SMARCA2: variants seen among roughly 807,000 people sequenced by gnomAD.
SMARCA2 encodes SWI/SNF related BAF chromatin remodeling complex subunit ATPase 2.
A neutral mutation model predicts 199.8 loss-of-function variants in SMARCA2; 61 were observed. The observed-to-expected ratio is 0.31, with a 90% CI of 0.25 to 0.38. The LOEUF (loss-of-function observed/expected upper bound fraction) is 0.38, where lower values mean the gene tolerates loss of function less well. Among genes scored for constraint, SMARCA2 ranks in the 10% least tolerant of loss-of-function variants. The pLI is 1.00. For synonymous variants in SMARCA2, 935 were observed against 732.0 expected, an observed-to-expected ratio of 1.28 and a Z score of -4.48; for missense variants, 1,344 against 2,012.2, an observed-to-expected ratio of 0.67 and a Z score of 6.35.
In SMARCA2 at chr9:2,166,170, G is replaced by C. The variant is rs377255938; in HGVS notation, c.4200-4249G>C. On this transcript the variant is annotated intron_variant, in intron 28 of 33. Transcript: ENST00000349721. ...TCTACCTCAGGACATTGTCCTTCAG[G>C]TAGGAACACTTCACTTTGCTCTCTG... Among the ~76,000 whole-genome samples, 109 of 152,286 alleles carry C rather than the reference G, an allele frequency of 7.2e-4. No homozygotes were observed. The Middle Eastern group carries it at 0.02, about 29-fold the overall frequency.
intron 2 of SMARCA2, among the ~76,000 whole-genome samples, chr9:2,032,249 A>G (rs1819103143): frequency 1.3e-5 from 2 of 152,202 alleles, no homozygotes; most frequent in African/African-American, 4.8e-5. Flanking sequence ...TTCATTGCCC[A>G]ATTCTGGATT....
At chr9:2,190,983 G>A (rs1229255915) in intron 32 of SMARCA2, among the ~76,000 whole-genome samples, 1 of 152,120 alleles carries the variant, frequency 6.6e-6, no homozygotes, top group Non-Finnish European at 1.5e-5. Context: ...GTCAGCCATT[G>A]GGAGACAGGT....
chr9:2,030,817 T>C (rs1819031523), intron 2 of SMARCA2, among the ~76,000 whole-genome samples: 1 of 152,162 alleles, frequency 6.6e-6, no homozygotes, highest in Non-Finnish European at 1.5e-5. Context: ...AGAGCAAGTC[T>C]TTCCTCCAGT....
chr9:2,048,148 G>A (rs1052905029), intron 5 of SMARCA2, among the ~76,000 whole-genome samples: 2 of 152,094 alleles, frequency 1.3e-5, no homozygotes, highest in African/African-American at 4.8e-5. Context: ...GCTGCCTTTC[G>A]GTAAACTTTA....
At position 2,029,237 on chromosome 9, in the gene SMARCA2, A is replaced by G; in HGVS notation, c.215A>G (p.Gln72Arg). 3.7e-6 allele frequency: 6 copies of G among 1,610,980 alleles called. No homozygotes were observed. Among genetic ancestry groups the G allele is most frequent in the Non-Finnish European group, 5.1e-6 (6 of 1,178,322 alleles). The change falls in exon 2 of 34, where the codon CAA becomes CGA. Residue 72 changes from glutamine (Q) to arginine (R), a missense_variant. Transcript: ENST00000349721. ...STDFPQEGMH[Q>R]MHKPIDGIHD... ...GACTTCCCACAGGAAGGCATGCATCAAATGCATAAGGTAAGAGTTTGTTCT... is the reference window on the plus strand; with the variant it reads ...GACTTCCCACAGGAAGGCATGCATCGAATGCATAAGGTAAGAGTTTGTTCT...
At chr9:2,149,848 C>A (rs1824967807) in intron 27 of SMARCA2, among the ~76,000 whole-genome samples, 1 of 151,508 alleles carries the variant, frequency 6.6e-6, no homozygotes, top group African/African-American at 2.4e-5. Context: ...TTTTGTTTGG[C>A]ATTTTAGCTT....
chr9:2,098,508 G>T (rs1822366622), intron 21 of SMARCA2, among the ~76,000 whole-genome samples: 1 of 152,190 alleles, frequency 6.6e-6, no homozygotes, highest in Admixed American at 6.5e-5. Flanking sequence ...TATTCAAGGA[G>T]TCCATAGGAG....
In SMARCA2 at chr9:2,177,897, A is replaced by G. The variant is rs555937589; in HGVS notation, c.4254-3674A>G. The stretch of plus-strand genomic sequence containing the variant: ...GCATATCAGCCTTCAGCATGTCTCT[A>G]AGCTTAAAATATAATCAAAGCTAAA... On this transcript the variant is annotated intron_variant, in intron 29 of 33. Coordinates refer to ENST00000349721, the MANE Select transcript of SMARCA2 (RefSeq NM_003070.5). 4.6e-5 allele frequency among the ~76,000 whole-genome samples: 7 copies of G among 152,282 alleles called. No individual in the cohort carries two copies. In the South Asian group the frequency reaches 1.5e-3, roughly 32 times the overall value.
In SMARCA2 at chr9:2,115,330, A is replaced by AGT. The variant is rs1432701663; in HGVS notation, c.3457-483_3457-482dup. Among the ~76,000 whole-genome samples, 1 of 152,160 alleles carries AGT rather than the reference A, an allele frequency of 6.6e-6. No homozygotes were observed. Among genetic ancestry groups the AGT allele is most frequent in the African/African-American group, 2.4e-5 (1 of 41,452 alleles). On this transcript the variant is annotated intron_variant, in intron 24 of 33. Transcript: ENST00000349721. This position sits in a 1 kb window ranked among gnomAD's most constrained non-coding sequence, Gnocchi z 6.0. ...GAGGAAATTGACTACCTGAGCAGTC[A>AGT]GTGTGTGTGTATGTGTGTGTGTGGT...
At chr9:2,131,167 T>C (rs1470750138) in intron 27 of SMARCA2, among the ~76,000 whole-genome samples, 2 of 152,366 alleles carry the variant, frequency 1.3e-5, no homozygotes, top group Non-Finnish European at 2.9e-5. Flanking sequence ...TTCTAGCTTA[T>C]GTGCTCTGGA....
chr9:2,141,529 C>T (rs746024683), intron 27 of SMARCA2, among the ~76,000 whole-genome samples: 4 of 152,000 alleles, frequency 2.6e-5, no homozygotes, highest in South Asian at 2.1e-4. Context: ...TAGCATTGAA[C>T]GTCTTCAAGC....
chr9:2,176,090 A>T (rs566177281), intron 29 of SMARCA2, among the ~76,000 whole-genome samples: 1 of 151,388 alleles, frequency 6.6e-6, no homozygotes, highest in Non-Finnish European at 1.5e-5. Context: ...CATGTTGGTC[A>T]GGCTGGTCTT....
chr9:2,065,761 C>T (rs1300845962), intron 9 of SMARCA2, among the ~76,000 whole-genome samples: 2 of 152,090 alleles, frequency 1.3e-5, no homozygotes, highest in African/African-American at 2.4e-5. Flanking sequence ...CTTTCCTCTA[C>T]AGGATTTTCA....
intron 27 of SMARCA2, among the ~76,000 whole-genome samples, chr9:2,133,475 A>C (rs1322555048): frequency 6.6e-6 from 1 of 151,862 alleles, no homozygotes; most frequent in East Asian, 1.9e-4. Flanking sequence ...TACAGACAGG[A>C]TGTCACTCAA....
At chr9:2,168,291 G>A (rs529597986) in intron 28 of SMARCA2, among the ~76,000 whole-genome samples, 2 of 152,252 alleles carry the variant, frequency 1.3e-5, no homozygotes, top group South Asian at 2.1e-4. Context: ...GATTACAGGC[G>A]TGAGCCACCA....
chr9:2,071,243 A>C (rs1338666723), intron 10 of SMARCA2, among the ~76,000 whole-genome samples: 1 of 152,232 alleles, frequency 6.6e-6, no homozygotes, highest in Non-Finnish European at 1.5e-5. Context: ...AAAACAGTGG[A>C]GATGCAGAAA....
chr9:2,177,704 C>A (rs957160534), intron 29 of SMARCA2, among the ~76,000 whole-genome samples: 5 of 152,146 alleles, frequency 3.3e-5, no homozygotes, highest in African/African-American at 1.2e-4. Flanking sequence ...AGGCATGCGC[C>A]ACCACACCCA....
intron 32 of SMARCA2, 82 bp downstream of exon 32, chr9:2,186,310 C>CT: frequency 1.4e-6 from 2 of 1,413,728 alleles, no homozygotes; most frequent in Non-Finnish European, 1.9e-6. Context: ...ACAGAAGAGA[C>CT]TTTAGAGTGG....
chr9:2,186,008 G>A (rs528200556), intron 31 of SMARCA2, 88 bp from the exon 32 acceptor site: 33 of 1,272,258 alleles, frequency 2.6e-5, no homozygotes, highest in East Asian at 2.4e-5. Flanking sequence ...AAATTCATGT[G>A]AATTAAGCTG....
Sources: allele counts gnomAD v4.1 joint callset (sites outside exome capture counted in the v4.1 genomes callset), GRCh38; gene constraint gnomAD v4.1.1; non-coding constraint Gnocchi (gnomAD v3.1); transcripts MANE v1.5; gene names NCBI Gene and HGNC (gene_info 2026-07-23, HGNC 2026-07-21).